The following LRRTM4 variants were observed in gnomAD, a reference collection of about 807,000 sequenced individuals.
The protein encoded by LRRTM4 is leucine rich repeat transmembrane neuronal 4, also known as leucine-rich repeat transmembrane neuronal protein 4.
Under a neutral mutation model 47.6 loss-of-function variants are expected in LRRTM4, and 25 were observed. That is an observed-to-expected ratio of 0.53 (90% CI 0.38 to 0.73). The LOEUF (loss-of-function observed/expected upper bound fraction) is 0.73, where lower values mean the gene tolerates loss of function less well. Among genes scored for constraint, LRRTM4 ranks in the 30% least tolerant of loss-of-function variants. The pLI, the probability that LRRTM4 is intolerant of heterozygous loss-of-function variation, is 0.00. For missense variants in LRRTM4, 638 were observed against 713.4 expected (o/e 0.89, Z 1.20); for synonymous variants, 311 against 269.5 (o/e 1.15, Z -1.51).
At chr2:77,285,385 TTA>T (rs1182897671) in intron 3 of LRRTM4, among the ~76,000 whole-genome samples, 1 of 100,480 alleles carries the variant, frequency 1.0e-5, no homozygotes, top group African/African-American at 3.7e-5. Flanking sequence ...ATGCTAAAAA[TTA>T]TAGTCACATG....
At chr2:77,160,594 G>A (rs1672685221) in intron 3 of LRRTM4, among the ~76,000 whole-genome samples, 3 of 151,890 alleles carry the variant, frequency 2.0e-5, no homozygotes, top group African/African-American at 7.3e-5. Context: ...CAGATAAAAG[G>A]GTCTCATTGT....
At chr2:76,937,387 C>A (rs1243192322) in intron 3 of LRRTM4, among the ~76,000 whole-genome samples, 1 of 152,256 alleles carries the variant, frequency 6.6e-6, no homozygotes, top group East Asian at 1.9e-4. Flanking sequence ...CTTTTCCTGA[C>A]AATGATGTGA....
intron 3 of LRRTM4, among the ~76,000 whole-genome samples, chr2:77,096,330 G>A (rs1670811269): frequency 6.6e-6 from 1 of 151,546 alleles, no homozygotes; most frequent in South Asian, 2.1e-4. Flanking sequence ...TCAGTTATGA[G>A]GGTAAAATAA....
At chr2:77,137,433 T>C (rs967895878) in intron 3 of LRRTM4, among the ~76,000 whole-genome samples, 3 of 151,894 alleles carry the variant, frequency 2.0e-5, no homozygotes, top group African/African-American at 7.3e-5. Flanking sequence ...CTGAGAGATT[T>C]TGTCACCACC....
chr2:77,056,479 G>A (rs2103787608), intron 3 of LRRTM4, among the ~76,000 whole-genome samples: 1 of 152,054 alleles, frequency 6.6e-6, no homozygotes, highest in African/African-American at 2.4e-5. Context: ...GAGCAGATTG[G>A]CTATAACAGA....
chr2:76,815,138 A>G lies in LRRTM4; in HGVS notation c.1552-66222T>C, dbSNP rs148815847. On this transcript the variant is annotated intron_variant, in intron 3 of 3. Coordinates refer to ENST00000409884, the MANE Select transcript of LRRTM4 (RefSeq NM_001134745.3). The stretch of plus-strand genomic sequence containing the variant: ...AAAATAAGAAAAGAAATAAATAAGA[A>G]AAGAAATAAAATTTGTGAAAAGTAT... 2.4e-3 allele frequency among the ~76,000 whole-genome samples: 361 copies of G among 152,158 alleles called. 6 individuals carry two copies. Among genetic ancestry groups the G allele is most frequent in the African/African-American group, 8.4e-3 (348 of 41,548 alleles).
intron 3 of LRRTM4, among the ~76,000 whole-genome samples, chr2:76,924,948 G>A (rs1014144991): frequency 1.3e-5 from 2 of 152,106 alleles, no homozygotes; most frequent in Non-Finnish European, 2.9e-5. Flanking sequence ...ACAGTTCCAG[G>A]AAGACCTCTA....
intron 3 of LRRTM4, among the ~76,000 whole-genome samples, chr2:77,142,470 G>C (rs888668433): frequency 1.8e-4 from 27 of 150,794 alleles, no homozygotes; most frequent in African/African-American, 6.3e-4. Context: ...TATCTCAAAG[G>C]GTCACTAAAG....
intron 3 of LRRTM4, among the ~76,000 whole-genome samples, chr2:77,447,791 A>G (rs540258027): frequency 6.6e-6 from 1 of 152,282 alleles, no homozygotes; most frequent in South Asian, 2.1e-4. Context: ...GTGGTTTTTC[A>G]GAACACATAT....
chr2:76,813,588 A>G (rs938426761), intron 3 of LRRTM4, among the ~76,000 whole-genome samples: 4 of 143,062 alleles, frequency 2.8e-5, no homozygotes, highest in African/African-American at 7.4e-5. Context: ...TGCGAACAGT[A>G]AAAAAAAATA....
chr2:76,837,211 T>G (rs902600446), intron 3 of LRRTM4, among the ~76,000 whole-genome samples: 2 of 152,178 alleles, frequency 1.3e-5, no homozygotes, highest in Non-Finnish European at 2.9e-5. Flanking sequence ...TTTATATTTC[T>G]GTGGGATCGG....
intron 3 of LRRTM4, among the ~76,000 whole-genome samples, chr2:76,897,111 A>C (rs1198281738): frequency 6.6e-6 from 1 of 152,052 alleles, no homozygotes; most frequent in African/African-American, 2.4e-5. Context: ...TCAATGCTCC[A>C]ATGAGTTTGA....
chr2:77,519,536 C>G lies in LRRTM4; in HGVS notation c.333G>C (p.Leu111=), dbSNP rs767450754. ...DEDAFQGIRR[L]KELILSSNKI... is the part of the protein sequence containing the mutation. ...TGTTGGAGCTTAGAATTAATTCTTTCAGTCTACGGATCCCTTGAAATGCAT... is the reference window on the plus strand; with the variant it reads ...TGTTGGAGCTTAGAATTAATTCTTTGAGTCTACGGATCCCTTGAAATGCAT... Residue 111 remains leucine (L), a synonymous_variant, in exon 3 of 4, where the codon CTG becomes CTC. Transcript: ENST00000409884. This position sits in a 1 kb window ranked among gnomAD's most constrained non-coding sequence, Gnocchi z 4.6. 1 of 1,613,430 alleles carries G rather than the reference C, an allele frequency of 6.2e-7. No homozygotes were observed. Among genetic ancestry groups the G allele is most frequent in the South Asian group, 1.1e-5 (1 of 91,072 alleles).
chr2:76,988,553 AAAAGTCACCC>A (rs1676887670), intron 3 of LRRTM4, among the ~76,000 whole-genome samples: 1 of 151,908 alleles, frequency 6.6e-6, no homozygotes, highest in Non-Finnish European at 1.5e-5. Context: ...CGTGTATTTC[AAAAGTCACCC>A]CTTCGAATTC....
At chr2:77,234,834 T>C in intron 3 of LRRTM4, among the ~76,000 whole-genome samples, 1 of 152,188 alleles carries the variant, frequency 6.6e-6, no homozygotes, top group East Asian at 1.9e-4. Flanking sequence ...GAGGTTTGGG[T>C]TATGAATTTT....
At chr2:76,844,043 A>G (rs1418783237) in intron 3 of LRRTM4, among the ~76,000 whole-genome samples, 1 of 151,084 alleles carries the variant, frequency 6.6e-6, no homozygotes, top group African/African-American at 2.4e-5. Context: ...CTGGAACTAC[A>G]GGCGCCCACC....
chr2:77,434,447 TA>T (rs35369430), intron 3 of LRRTM4, among the ~76,000 whole-genome samples: 60,349 of 144,866 alleles, frequency 0.42, 12,522 homozygotes, highest in African/African-American at 0.55. Context: ...CTTGATCTGT[TA>T]AAAAAAAAAA....
In LRRTM4 at chr2:77,521,964, G is replaced by A. The variant is rs1679532527; in HGVS notation, c.-148+145C>T. The A allele has an allele frequency of 1.1e-5, 7 of 614,628 alleles. No individual in the cohort carries two copies. In the South Asian group the frequency reaches 1.4e-4, roughly 13 times the overall value. 38.1% of individuals were successfully genotyped at this position (614,628 alleles called of 1,614,324 possible). A position where few individuals can be genotyped will look rare whatever the true frequency, so the allele number is the denominator to read the frequency against. On this transcript the variant is annotated intron_variant, in intron 1 of 3. Transcript: ENST00000409884. ...GTTGGGGGGATAGGGATGGGGGAGG[G>A]CCTCTAGGCTCTGAGGACCATTGTG... is the stretch of plus-strand genomic sequence containing the variant.
chr2:76,847,325 T>C (rs1192602545), intron 3 of LRRTM4, among the ~76,000 whole-genome samples: 8 of 152,196 alleles, frequency 5.3e-5, no homozygotes, highest in Non-Finnish European at 7.4e-5. Context: ...AGATGTTTTC[T>C]GTAACAATAA....
Sources: allele counts gnomAD v4.1 joint callset (sites outside exome capture counted in the v4.1 genomes callset), GRCh38; gene constraint gnomAD v4.1.1; non-coding constraint Gnocchi (gnomAD v3.1); transcripts MANE v1.5; gene names NCBI Gene and HGNC (gene_info 2026-07-23, HGNC 2026-07-21).